CNTN4: variants seen among roughly 807,000 people sequenced by gnomAD.
CNTN4 encodes contactin 4, also known as contactin-4.
CNTN4 carries 77 observed loss-of-function variants against 122.5 expected under a neutral mutation model. That is an observed-to-expected ratio of 0.63 (90% CI 0.52 to 0.76). The LOEUF (loss-of-function observed/expected upper bound fraction) is 0.76, where lower values mean the gene tolerates loss of function less well. Ranked by LOEUF, CNTN4 falls within the 30% of genes least tolerant of loss-of-function variation. The pLI, the probability that CNTN4 is intolerant of heterozygous loss-of-function variation, is 0.00. For synonymous variants in CNTN4, 512 were observed against 447.0 expected (o/e 1.15, Z -1.83); for missense variants, 1,256 against 1,259.1 (o/e 1.00, Z 0.04).
chr3:2,920,203 C>G (rs750704495), intron 12 of CNTN4, among the ~76,000 whole-genome samples: 2 of 151,514 alleles, frequency 1.3e-5, no homozygotes, highest in Non-Finnish European at 2.9e-5. Context: ...CACACACACA[C>G]AGACTCTCTC....
intron 7 of CNTN4, among the ~76,000 whole-genome samples, chr3:2,855,007 A>T (rs1315844147): frequency 2.6e-5 from 4 of 152,236 alleles, no homozygotes; most frequent in Non-Finnish European, 5.9e-5. Context: ...TTCCTACGAA[A>T]TATATTTAAG....
intron 3 of CNTN4, among the ~76,000 whole-genome samples, chr3:2,559,770 A>G (rs577241023): frequency 1.3e-5 from 2 of 152,310 alleles, no homozygotes; most frequent in South Asian, 2.1e-4. Context: ...ATATCCCACC[A>G]TCTGCATGTA....
chr3:2,930,635 G>T (rs1331320180), intron 13 of CNTN4, among the ~76,000 whole-genome samples: 1 of 152,176 alleles, frequency 6.6e-6, no homozygotes, highest in Non-Finnish European at 1.5e-5. Flanking sequence ...AGCAGGTATA[G>T]GTACGCCACT....
At chr3:2,654,981 C>G (rs956151345) in intron 4 of CNTN4, among the ~76,000 whole-genome samples, 10 of 152,198 alleles carry the variant, frequency 6.6e-5, no homozygotes, top group African/African-American at 2.4e-4. Flanking sequence ...CAGGTAGCAT[C>G]TCACTCTGAA....
At chr3:3,041,641 C>T (rs1456482517) in intron 20 of CNTN4, among the ~76,000 whole-genome samples, 1 of 152,160 alleles carries the variant, frequency 6.6e-6, no homozygotes, top group Non-Finnish European at 1.5e-5. Context: ...TATATGTTCA[C>T]ATTTTTCTTT....
intron 4 of CNTN4, among the ~76,000 whole-genome samples, chr3:2,710,630 T>C (rs1242590786): frequency 1.3e-5 from 2 of 152,156 alleles, no homozygotes; most frequent in Non-Finnish European, 2.9e-5. Flanking sequence ...TTCAACTAAT[T>C]TTAGATATGA....
At chr3:2,147,509 A>G (rs2035300331) in intron 2 of CNTN4, among the ~76,000 whole-genome samples, 1 of 152,106 alleles carries the variant, frequency 6.6e-6, no homozygotes, top group Non-Finnish European at 1.5e-5. Context: ...ATTATTTTTT[A>G]TGACCACCTA....
At chr3:2,970,160 T>C (rs2125090148) in intron 13 of CNTN4, among the ~76,000 whole-genome samples, 1 of 152,186 alleles carries the variant, frequency 6.6e-6, no homozygotes, top group Middle Eastern at 3.4e-3. Context: ...AGCAGCATAA[T>C]CGTAGCTCAT....
chr3:2,282,197 G>A (rs537875777), intron 2 of CNTN4, among the ~76,000 whole-genome samples: 12 of 152,140 alleles, frequency 7.9e-5, no homozygotes, highest in South Asian at 2.1e-4. Flanking sequence ...AGTAATTGGC[G>A]TGGATTTTAT....
chr3:2,709,628 A>G lies in CNTN4; in HGVS notation c.56-26587A>G, dbSNP rs928839881. On this transcript the variant is annotated intron_variant, in intron 4 of 24. Coordinates refer to ENST00000418658, the MANE Select transcript of CNTN4 (RefSeq NM_175607.3). This position sits in a 1 kb window ranked among gnomAD's most constrained non-coding sequence, Gnocchi z 5.0. ...AATAATTAATCATTTAAATTCCACA[A>G]TGTGGCTGGGTGCGGTGGCTCTCAC... Among the ~76,000 whole-genome samples, 4 of 152,174 alleles carry G rather than the reference A, an allele frequency of 2.6e-5. No individual in the cohort carries two copies. The highest frequency in any genetic ancestry group is 2.1e-4 in the South Asian group (1 of 4,820).
At chr3:2,989,531 A>G (rs1385260940) in intron 14 of CNTN4, among the ~76,000 whole-genome samples, 1 of 152,210 alleles carries the variant, frequency 6.6e-6, no homozygotes, top group Non-Finnish European at 1.5e-5. Flanking sequence ...CTAATTAAAT[A>G]TTTTAGGGTC....
intron 3 of CNTN4, among the ~76,000 whole-genome samples, chr3:2,380,050 TC>T (rs2045959611): frequency 1.0e-5 from 1 of 98,362 alleles, no homozygotes. Context: ...AGAGTGAAAC[TC>T]CATCTCAAAA....
chr3:2,296,674 G>C (rs151122980), intron 2 of CNTN4, among the ~76,000 whole-genome samples: 96 of 151,738 alleles, frequency 6.3e-4, no homozygotes, highest in African/African-American at 2.0e-3. Flanking sequence ...CACTAACTTT[G>C]ATATTGTATA....
intron 3 of CNTN4, among the ~76,000 whole-genome samples, chr3:2,536,124 T>C (rs183029916): frequency 6.6e-5 from 10 of 152,124 alleles, no homozygotes; most frequent in African/African-American, 2.4e-4. Context: ...GACTCTCCAA[T>C]AGGCAGGGAT....
intron 2 of CNTN4, among the ~76,000 whole-genome samples, chr3:2,251,983 T>C: frequency 6.6e-6 from 1 of 151,964 alleles, no homozygotes; most frequent in South Asian, 2.1e-4. Context: ...GTTTCATTGA[T>C]TTAATTTTAT....
chr3:2,488,165 T>G (rs1039124666), intron 3 of CNTN4, among the ~76,000 whole-genome samples: 6 of 152,258 alleles, frequency 3.9e-5, no homozygotes, highest in African/African-American at 1.2e-4. Flanking sequence ...TACTGGTAAT[T>G]ATCTAAGATG....
intron 3 of CNTN4, among the ~76,000 whole-genome samples, chr3:2,547,722 C>G (rs946519405): frequency 2.6e-5 from 4 of 151,958 alleles, no homozygotes; most frequent in Admixed American, 6.6e-5. Context: ...AGAATGAAAC[C>G]AAAAATTGTG....
At chr3:2,285,194 A>T (rs2041858784) in intron 2 of CNTN4, among the ~76,000 whole-genome samples, 2 of 152,192 alleles carry the variant, frequency 1.3e-5, no homozygotes, top group South Asian at 2.1e-4. Flanking sequence ...TTGCAGGAAG[A>T]TCTAAGATAA....
intron 3 of CNTN4, among the ~76,000 whole-genome samples, chr3:2,545,474 C>G (rs1310744571): frequency 6.6e-6 from 1 of 152,044 alleles, no homozygotes; most frequent in Non-Finnish European, 1.5e-5. Context: ...AAGTCTCCCA[C>G]TATTATTGTG....
Sources: allele counts gnomAD v4.1 joint callset (sites outside exome capture counted in the v4.1 genomes callset), GRCh38; gene constraint gnomAD v4.1.1; non-coding constraint Gnocchi (gnomAD v3.1); transcripts MANE v1.5; gene names NCBI Gene and HGNC (gene_info 2026-07-23, HGNC 2026-07-21).